The following TMEM198 variants were observed in gnomAD, a reference collection of about 807,000 sequenced individuals.
The protein encoded by TMEM198 is transmembrane protein 198.
TMEM198 carries 21 observed loss-of-function variants against 31.5 expected under a neutral mutation model. The observed-to-expected ratio is 0.67, with a 90% CI of 0.47 to 0.96. The LOEUF (loss-of-function observed/expected upper bound fraction) is 0.96, where lower values mean the gene tolerates loss of function less well. Ranked by LOEUF, TMEM198 falls within the 40% of genes least tolerant of loss-of-function variation. The pLI is 0.00. For missense variants in TMEM198, 447 were observed against 499.4 expected, an observed-to-expected ratio of 0.89 and a Z score of 1.00; for synonymous variants, 211 against 223.3, an observed-to-expected ratio of 0.95 and a Z score of 0.49.
At chr2:219,548,970 A>G (rs536325208) in intron 3 of TMEM198, 182 bp from the exon 4 acceptor site, 6 of 636,978 alleles carry the variant, frequency 9.4e-6, no homozygotes, top group South Asian at 7.9e-5. Flanking sequence ...AGAAAAGAAC[A>G]ACAGCGGGAA....
In TMEM198 at chr2:219,548,703, G is replaced by A. The variant is rs1013833739; in HGVS notation, c.743-449G>A. Among the ~76,000 whole-genome samples, 5 of 152,324 alleles carry A rather than the reference G, an allele frequency of 3.3e-5. No homozygotes were observed. In the South Asian group the frequency reaches 1.0e-3, roughly 32 times the overall value. On this transcript the variant is annotated intron_variant, in intron 3 of 4. Transcript: ENST00000373883. Reference sequence around the variant, plus strand: ...ATAAGAAGCACTCCACATTTTATTAGAAGGGCAATAAGACTTTAAACCACT... The same window carrying A: ...ATAAGAAGCACTCCACATTTTATTAAAAGGGCAATAAGACTTTAAACCACT...
intron 1 of TMEM198, 60 bp downstream of exon 1, chr2:219,544,437 T>C (rs142459095): frequency 2.0e-5 from 11 of 558,084 alleles, no homozygotes; most frequent in African/African-American, 5.6e-5. Flanking sequence ...GCTGCCTCCT[T>C]CTCACTGGCA....
chr2:219,547,086 T>C (rs1695402396), intron 2 of TMEM198: 1 of 160,468 alleles, frequency 6.2e-6, no homozygotes, highest in Admixed American at 6.5e-5. Flanking sequence ...GATTTCCAAA[T>C]ACCTCATCTC....
chr2:219,548,999 G>A lies in TMEM198; in HGVS notation c.743-153G>A, dbSNP rs868120724. On this transcript the variant is annotated intron_variant, in intron 3 of 4. Coordinates refer to ENST00000373883, the MANE Select transcript of TMEM198 (RefSeq NM_001005209.3). Reference sequence around the variant, plus strand: ...GCGGGAAGTCTCCTCTGAGAGGTAGGAGACCAGGAAAGGAAGTGACAGGGT... The same window carrying A: ...GCGGGAAGTCTCCTCTGAGAGGTAGAAGACCAGGAAAGGAAGTGACAGGGT... 5.5e-5 allele frequency: 42 copies of A among 758,540 alleles called. 2 individuals carry two copies. The Middle Eastern group carries it at 4.8e-3, about 86-fold the overall frequency. 47.0% of individuals were successfully genotyped at this position (758,540 alleles called of 1,614,324 possible).
At chr2:219,546,113 G>T (rs1048035631) in intron 2 of TMEM198, among the ~76,000 whole-genome samples, 1 of 152,028 alleles carries the variant, frequency 6.6e-6, no homozygotes, top group African/African-American at 2.4e-5. Flanking sequence ...CTGAGCCCTT[G>T]TCCACGCCCT....
At chr2:219,548,174 G>C (rs961967495) in intron 3 of TMEM198, 93 bp downstream of exon 3, 45 of 1,202,710 alleles carry the variant, frequency 3.7e-5, no homozygotes, top group Non-Finnish European at 4.9e-5. Context: ...GACAGCAGCA[G>C]AAGGCCTCGA....
chr2:219,546,709 A>G (rs569443834), intron 2 of TMEM198, among the ~76,000 whole-genome samples: 9 of 150,846 alleles, frequency 6.0e-5, no homozygotes, highest in African/African-American at 2.2e-4. Context: ...TGGTGCCATT[A>G]TCTCTGAAGC....
chr2:219,546,175 C>T (rs1695385039), intron 2 of TMEM198, among the ~76,000 whole-genome samples: 1 of 152,154 alleles, frequency 6.6e-6, no homozygotes, highest in African/African-American at 2.4e-5. Flanking sequence ...CCCCCCACTC[C>T]TGGAAGTGAC....
rs764888097 is a variant in TMEM198, at chr2:219,547,828, C to G, written c.489C>G (p.Leu163=). Residue 163 remains leucine (L), a synonymous_variant, in exon 3 of 5, where the codon CTC becomes CTG. Transcript: ENST00000373883. ...LLGGGLLCAL[L]TLRWPRPLTT... ...GGGGCGGCCTGCTCTGTGCCCTGCT[C>G]ACTCTGCGCTGGCCCCGCCCACTCA... 2 of 1,590,356 alleles carry G rather than the reference C, an allele frequency of 1.3e-6. No homozygotes were observed. Among genetic ancestry groups the G allele is most frequent in the South Asian group, 2.2e-5 (2 of 90,208 alleles).
chr2:219,549,078 G>C, intron 3 of TMEM198, 74 bp from the exon 4 acceptor site: 1 of 1,551,028 alleles, frequency 6.4e-7, no homozygotes, highest in Non-Finnish European at 8.9e-7. Context: ...CCACAGGTGG[G>C]ATGAGAGAGG....
At chr2:219,549,063 T>A in intron 3 of TMEM198, 89 bp from the exon 4 acceptor site, 2 of 1,473,322 alleles carry the variant, frequency 1.4e-6, no homozygotes, top group Non-Finnish European at 1.9e-6. Flanking sequence ...TCTGGAAGCC[T>A]AGAGCCACAG....
In TMEM198 at chr2:219,550,025, AG is replaced by A. The variant is rs1025717519; in HGVS notation, c.*172del. On this transcript the variant is annotated 3_prime_UTR_variant, in exon 5 of 5. Coordinates refer to ENST00000373883, the MANE Select transcript of TMEM198 (RefSeq NM_001005209.3). ...CAGGCGAGTCTTGGCCTGAGAGGAA[AG>A]CCCCCTCCCAAGCTCCCAAGAGGCT... The A allele has an allele frequency of 2.1e-5, 19 of 901,444 alleles. No homozygotes were observed. In the African/African-American group the frequency reaches 3.0e-4, roughly 14 times the overall value. The allele number at this position is 901,444 out of a possible 1,614,324, so 55.8% of individuals were successfully genotyped here.
In TMEM198 at chr2:219,547,615, TG is replaced by T; in HGVS notation, c.280del (p.Ala94ArgfsTer19). 6.6e-7 allele frequency: 1 copy of T among 1,511,590 alleles called. No homozygotes were observed. The highest frequency in any genetic ancestry group is 8.9e-7 in the Non-Finnish European group (1 of 1,128,642). 93.6% of individuals were successfully genotyped at this position (1,511,590 alleles called of 1,614,324 possible). ...ERVLETQLSA[G>X]ASAGIALGIG... The stretch of plus-strand genomic sequence containing the variant: ...GGGTGCTAGAGACACAGCTGAGTGC[TG>T]GGGCGAGCGCGGGCATCGCTCTGGG... On this transcript the variant is annotated frameshift_variant, in exon 3 of 5. Coordinates refer to ENST00000373883, the MANE Select transcript of TMEM198 (RefSeq NM_001005209.3). LOFTEE classifies it high-confidence loss of function.
upstream of TMEM198, chr2:219,543,727 A>G (rs1485868869): frequency 4.3e-5 from 19 of 440,822 alleles, no homozygotes; most frequent in Non-Finnish European, 7.8e-6. Context: ...ATTCCCCTCC[A>G]GCAGCTGCTC....
In TMEM198 at chr2:219,549,886, C is replaced by T. The variant is rs752900845; in HGVS notation, c.*32C>T. ...CTGTCTGTCTAGACTCTGCAGTCACCAGCTCTGCCAGCTCGAGGAGGCCTG... is the reference window on the plus strand; with the variant it reads ...CTGTCTGTCTAGACTCTGCAGTCACTAGCTCTGCCAGCTCGAGGAGGCCTG... On this transcript the variant is annotated 3_prime_UTR_variant, in exon 5 of 5. Transcript: ENST00000373883. 26 of 1,594,444 alleles carry T rather than the reference C, an allele frequency of 1.6e-5. No individual in the cohort carries two copies. The highest frequency in any genetic ancestry group is 2.1e-5 in the Non-Finnish European group (25 of 1,165,008).
chr2:219,549,501 C>T, intron 4 of TMEM198, 147 bp downstream of exon 4: 1 of 1,252,148 alleles, frequency 8.0e-7, no homozygotes, highest in African/African-American at 1.5e-5. Flanking sequence ...AGCCCATGCA[C>T]CAGGGGCTTG....
intron 1 of TMEM198, 139 bp downstream of exon 1, chr2:219,544,516 A>G (rs1695351152): frequency 3.2e-6 from 2 of 619,476 alleles, no homozygotes; most frequent in Non-Finnish European, 5.7e-6. Flanking sequence ...CTAGCCAGGC[A>G]CTTTTGTTTC....
rs1319774207 is a variant in TMEM198, at chr2:219,550,567, G to A, written c.*713G>A. On this transcript the variant is annotated 3_prime_UTR_variant, in exon 5 of 5. Coordinates refer to ENST00000373883, the MANE Select transcript of TMEM198 (RefSeq NM_001005209.3). ...ACTCTGTTTTACATCTTTTATAAAT[G>A]TGCCAAACTGTGTGGCCTCTGCCAG... The A allele has an allele frequency of 3.8e-6, 2 of 525,352 alleles. No individual in the cohort carries two copies. The highest frequency in any genetic ancestry group is 6.8e-6 in the Non-Finnish European group (2 of 292,510). 32.5% of individuals were successfully genotyped at this position (525,352 alleles called of 1,614,324 possible). A position where few individuals can be genotyped will look rare whatever the true frequency, so the allele number is the denominator to read the frequency against.
At position 219,549,999 on chromosome 2, in the gene TMEM198, T is replaced by A; in HGVS notation, c.*145T>A. 1 of 1,145,762 alleles carries A rather than the reference T, an allele frequency of 8.7e-7. No individual in the cohort carries two copies. The allele number at this position is 1,145,762 out of a possible 1,614,324, so 71.0% of individuals were successfully genotyped here. A position where few individuals can be genotyped will look rare whatever the true frequency, so the allele number is the denominator to read the frequency against. ...CTGGTCACTAGAAGGGAGGATTGTC[T>A]CAGGCGAGTCTTGGCCTGAGAGGAA... On this transcript the variant is annotated 3_prime_UTR_variant, in exon 5 of 5. Transcript: ENST00000373883.
Sources: gnomAD v4.1 joint callset for allele counts (sites outside exome capture counted in the v4.1 genomes callset) on GRCh38, gnomAD v4.1.1 for gene constraint, MANE v1.5 for transcripts, NCBI Gene and HGNC (gene_info 2026-07-23, HGNC 2026-07-21) for gene names.